UBR1: variants seen among roughly 807,000 people sequenced by gnomAD.
UBR1 encodes E3 ubiquitin-protein ligase UBR1.
UBR1 carries 102 observed loss-of-function variants against 242.1 expected under a neutral mutation model. That is an observed-to-expected ratio of 0.42 (90% CI 0.36 to 0.50). UBR1 has a LOEUF of 0.50. Among genes scored for constraint, UBR1 ranks in the 20% least tolerant of loss-of-function variants. The probability of loss-of-function intolerance (pLI) is 0.01; values close to 1 mark genes in which losing one functional copy is unlikely to be tolerated. For synonymous variants in UBR1, 675 were observed against 684.8 expected, an observed-to-expected ratio of 0.99 and a Z score of 0.22; for missense variants, 1,772 against 2,101.8, an observed-to-expected ratio of 0.84 and a Z score of 3.07.
chr15:43,065,170 T>C (rs1431006428), intron 6 of UBR1, among the ~76,000 whole-genome samples: 1 of 152,224 alleles, frequency 6.6e-6, no homozygotes, highest in African/African-American at 2.4e-5. Flanking sequence ...ATATAGGTAT[T>C]GACATCTGAC....
chr15:43,075,103 AAT>A lies in UBR1; in HGVS notation c.418-16_418-15del. 1 of 1,586,576 alleles carries A rather than the reference AAT, an allele frequency of 6.3e-7. No individual in the cohort carries two copies. Among genetic ancestry groups the A allele is most frequent in the Non-Finnish European group, 8.7e-7 (1 of 1,154,902 alleles). ...AGAAGTATGCATCTGATAAAGGAAA[AAT>A]GAGTTTGTCTTGATTTCAAACATTT... is the stretch of plus-strand genomic sequence containing the variant. On this transcript the variant is annotated splice_polypyrimidine_tract_variant and intron_variant, in intron 3 of 46. Transcript: ENST00000290650.
At chr15:43,047,091 A>G (rs1005698102) in intron 14 of UBR1, 70 bp downstream of exon 14, 1 of 1,572,662 alleles carries the variant, frequency 6.4e-7, no homozygotes, top group Non-Finnish European at 8.7e-7. Flanking sequence ...AAGCTGCAAC[A>G]TAAAACTATA....
chr15:43,054,159 G>C (rs1208859209), intron 12 of UBR1, among the ~76,000 whole-genome samples: 1 of 151,188 alleles, frequency 6.6e-6, no homozygotes, highest in East Asian at 2.0e-4. Context: ...AGTCAGCCTG[G>C]GCAACAAAAA....
In UBR1 at chr15:43,036,644, C is replaced by T. The variant is rs757753397; in HGVS notation, c.2023-51G>A. The T allele has an allele frequency of 3.1e-6, 4 of 1,284,476 alleles. No individual in the cohort carries two copies. The East Asian group carries it at 9.3e-5, about 30-fold the overall frequency. 79.6% of individuals were successfully genotyped at this position (1,284,476 alleles called of 1,614,324 possible). Reference sequence around the variant, plus strand: ...CCTAAAAGAATTATTTTATTTCAAGCAAAATTCTCAAGAAAACCTATCCTT... The same window carrying T: ...CCTAAAAGAATTATTTTATTTCAAGTAAAATTCTCAAGAAAACCTATCCTT... On this transcript the variant is annotated intron_variant, in intron 17 of 46. Transcript: ENST00000290650.
intron 23 of UBR1, chr15:43,025,671 C>A (rs2033169100): frequency 2.0e-6 from 1 of 488,526 alleles, no homozygotes; most frequent in African/African-American, 1.9e-5. Context: ...AATATTTACC[C>A]AGTACCTATT....
chr15:43,068,342 C>G (rs186303526), intron 5 of UBR1, among the ~76,000 whole-genome samples: 1 of 151,840 alleles, frequency 6.6e-6, no homozygotes, highest in African/African-American at 2.4e-5. Flanking sequence ...GCACGTGTCA[C>G]CACACCCCAG....
intron 15 of UBR1, among the ~76,000 whole-genome samples, chr15:43,041,467 T>C (rs1415330505): frequency 6.6e-6 from 1 of 152,062 alleles, no homozygotes; most frequent in East Asian, 1.9e-4. Flanking sequence ...GGGCCCCCAA[T>C]GTATAGGGAC....
At chr15:43,021,213 G>C (rs1330090863) in intron 27 of UBR1, 62 bp downstream of exon 27, 12 of 1,394,160 alleles carry the variant, frequency 8.6e-6, no homozygotes, top group Non-Finnish European at 1.0e-5. Context: ...TAACACTGGA[G>C]GCAAGCAGAG....
At chr15:43,079,216 T>G (rs1043000525) in intron 3 of UBR1, among the ~76,000 whole-genome samples, 1 of 152,020 alleles carries the variant, frequency 6.6e-6, no homozygotes, top group African/African-American at 2.4e-5. Context: ...CCTGTAATCC[T>G]ACACCTTGGG....
chr15:42,980,143 C>A (rs759473564), intron 37 of UBR1, among the ~76,000 whole-genome samples: 1 of 152,150 alleles, frequency 6.6e-6, no homozygotes, highest in Non-Finnish European at 1.5e-5. Flanking sequence ...GATCCCTCGT[C>A]CTAATTTCCA....
At chr15:43,025,845 C>G in intron 23 of UBR1, 1 of 170,110 alleles carries the variant, frequency 5.9e-6, no homozygotes, top group Admixed American at 5.7e-5. Context: ...AGTATTCTTG[C>G]CAAAAACTGT....
intron 29 of UBR1, among the ~76,000 whole-genome samples, chr15:43,014,070 G>T (rs967117292): frequency 6.6e-6 from 1 of 152,258 alleles, no homozygotes; most frequent in Admixed American, 6.5e-5. Flanking sequence ...TTTTGGTGGA[G>T]ACAGGGTTTC....
chr15:43,022,713 T>A lies in UBR1; in HGVS notation c.2828A>T (p.His943Leu). The A allele has an allele frequency of 6.2e-7, 1 of 1,610,062 alleles. No homozygotes were observed. ...PEEEVTFDFY[H>L]KASRLGSSAM... The stretch of plus-strand genomic sequence containing the variant: ...ATACTCAAACATACTTGAAGCCTTA[T>A]GATAAAAGTCAAATGTTACTTCTTC... The change falls in exon 26 of 47, where the codon CAT (histidine) becomes CTT (leucine). Residue 943 changes from histidine to leucine, a missense_variant. By Grantham distance (99) the His-to-Leu change is moderately conservative. Coordinates refer to ENST00000290650, the MANE Select transcript of UBR1 (RefSeq NM_174916.3).
intron 1 of UBR1, among the ~76,000 whole-genome samples, chr15:43,101,035 G>A (rs1046411615): frequency 2.0e-5 from 3 of 152,334 alleles, no homozygotes; most frequent in East Asian, 1.9e-4. Flanking sequence ...GACAGAGTGT[G>A]TATTAAGAAA....
At chr15:43,058,818 A>G (rs1174222707) in intron 9 of UBR1, among the ~76,000 whole-genome samples, 1 of 152,186 alleles carries the variant, frequency 6.6e-6, no homozygotes, top group Non-Finnish European at 1.5e-5. Flanking sequence ...GAATATATAG[A>G]TACATGTATA....
In UBR1 at chr15:42,964,005, G is replaced by A. The variant is rs749145487; in HGVS notation, c.4630C>T (p.Leu1544=). Residue 1544 remains leucine (L), a synonymous_variant, in exon 42 of 47, where the codon CTA becomes TTA. Coordinates refer to ENST00000290650, the MANE Select transcript of UBR1 (RefSeq NM_174916.3). ...EGEYSALCSY[L]SLPTNLFLLF... Reference sequence around the variant, plus strand: ...AGGAACAAATTTGTAGGTAAAGATAGATAGCTACAGAGTGCACTGTACTCT... The same window carrying A: ...AGGAACAAATTTGTAGGTAAAGATAAATAGCTACAGAGTGCACTGTACTCT... The A allele has an allele frequency of 1.9e-5, 31 of 1,613,354 alleles. No homozygotes were observed. Among genetic ancestry groups the A allele is most frequent in the Middle Eastern group, 1.6e-4 (1 of 6,080 alleles).
In UBR1 at chr15:43,043,254, G is replaced by T. The variant is rs747081057; in HGVS notation, c.1810C>A (p.Leu604Ile). 22 of 1,613,942 alleles carry T rather than the reference G, an allele frequency of 1.4e-5. No individual in the cohort carries two copies. Among genetic ancestry groups the T allele is most frequent in the Middle Eastern group, 3.3e-4 (2 of 6,084 alleles). The change falls in exon 15 of 47, where the codon CTT becomes ATT. Residue 604 changes from leucine (L) to isoleucine (I), a missense_variant. By Grantham distance (5) the Leu-to-Ile change is conservative. Transcript: ENST00000290650. ...GAGAGTGGCAGATGTATGCTTACAA[G>T]ATCCTCAGATACTCTGTAGGACTTT... The part of the protein sequence containing the change: ...ETKSYRVSED[L>I]VSIHLPLSRT...
intron 19 of UBR1, among the ~76,000 whole-genome samples, chr15:43,033,463 G>A (rs1005807895): frequency 1.3e-5 from 2 of 151,984 alleles, no homozygotes; most frequent in Non-Finnish European, 2.9e-5. Flanking sequence ...GACCAACATC[G>A]TGAAACCTCG....
chr15:43,036,044 C>A (rs2033331017), intron 19 of UBR1, 134 bp downstream of exon 19: 2 of 697,852 alleles, frequency 2.9e-6, no homozygotes, highest in South Asian at 1.6e-5. Flanking sequence ...CTAACCTGCA[C>A]AATGTGCACA....
Sources: allele counts gnomAD v4.1 joint callset (sites outside exome capture counted in the v4.1 genomes callset), GRCh38; gene constraint gnomAD v4.1.1; transcripts MANE v1.5; gene names NCBI Gene and HGNC (gene_info 2026-07-23, HGNC 2026-07-21).